Variants in PCSK2 observed in about 807,000 individuals in gnomAD.
PCSK2 encodes neuroendocrine convertase 2.
Under a neutral mutation model 69.7 loss-of-function variants are expected in PCSK2, and 14 were observed. The ratio of observed to expected loss-of-function variants is 0.20; its 90% CI spans 0.13 to 0.31. The LOEUF is 0.31. Ranked by LOEUF, PCSK2 falls within the 10% of genes least tolerant of loss-of-function variation. The pLI is 1.00. For missense variants in PCSK2, 544 were observed against 842.5 expected (o/e 0.65, Z 4.39); for synonymous variants, 307 against 320.7 (o/e 0.96, Z 0.46).
chr20:17,449,732 G>T (rs1434773612), intron 8 of PCSK2, among the ~76,000 whole-genome samples: 5 of 151,578 alleles, frequency 3.3e-5, no homozygotes, highest in Non-Finnish European at 4.4e-5. Flanking sequence ...TCTCCATGTT[G>T]GTCAGGCTGG....
At chr20:17,282,392 C>T (rs1469990630) in intron 2 of PCSK2, among the ~76,000 whole-genome samples, 1 of 152,244 alleles carries the variant, frequency 6.6e-6, no homozygotes, top group South Asian at 2.1e-4. Context: ...GCACTGAGTC[C>T]TCTGTAGCTT....
At chr20:17,298,688 AT>A (rs1275804763) in intron 2 of PCSK2, among the ~76,000 whole-genome samples, 2 of 152,026 alleles carry the variant, frequency 1.3e-5, no homozygotes, top group Non-Finnish European at 2.9e-5. Flanking sequence ...GCTAGAAAAT[AT>A]TTTTAAGTAA....
intron 1 of PCSK2, among the ~76,000 whole-genome samples, chr20:17,248,375 G>C (rs1391104957): frequency 6.6e-6 from 1 of 152,050 alleles, no homozygotes; most frequent in Non-Finnish European, 1.5e-5. Context: ...GGAATGCATC[G>C]ATCAGCCTTA....
At chr20:17,395,369 C>T (rs989804691) in intron 5 of PCSK2, among the ~76,000 whole-genome samples, 1 of 152,190 alleles carries the variant, frequency 6.6e-6, no homozygotes, top group African/African-American at 2.4e-5. Context: ...AATGTTCTCA[C>T]TCAGTGCTGA....
intron 11 of PCSK2, among the ~76,000 whole-genome samples, chr20:17,467,522 G>A (rs6044837): frequency 5.9e-5 from 9 of 152,326 alleles, no homozygotes; most frequent in African/African-American, 2.2e-4. Flanking sequence ...ACGAAAATCT[G>A]CCAGCTCTTT....
chr20:17,251,794 T>C (rs1191941861), intron 1 of PCSK2, among the ~76,000 whole-genome samples: 1 of 152,180 alleles, frequency 6.6e-6, no homozygotes, highest in African/African-American at 2.4e-5. Context: ...AAATGGCTTG[T>C]CTGTGGTCCA....
intron 2 of PCSK2, among the ~76,000 whole-genome samples, chr20:17,322,332 T>C (rs1989894917): frequency 6.6e-6 from 1 of 152,116 alleles, no homozygotes; most frequent in African/African-American, 2.4e-5. Flanking sequence ...GATGAGTAAG[T>C]CATCAATCTT....
chr20:17,289,596 T>C (rs1415126498), intron 2 of PCSK2, among the ~76,000 whole-genome samples: 1 of 152,236 alleles, frequency 6.6e-6, no homozygotes, highest in Non-Finnish European at 1.5e-5. Context: ...TCTGTATCTA[T>C]CAATATATAT....
chr20:17,269,514 T>G (rs1987774971), intron 2 of PCSK2, among the ~76,000 whole-genome samples: 1 of 152,186 alleles, frequency 6.6e-6, no homozygotes, highest in South Asian at 2.1e-4. Flanking sequence ...TTCTTCACTT[T>G]TCCCCTCTCT....
chr20:17,316,823 T>C (rs1471150678), intron 2 of PCSK2, among the ~76,000 whole-genome samples: 1 of 152,160 alleles, frequency 6.6e-6, no homozygotes, highest in South Asian at 2.1e-4. Flanking sequence ...ACCAGGAGAT[T>C]TCCTGTGGCA....
At chr20:17,289,387 G>A (rs1988621078) in intron 2 of PCSK2, among the ~76,000 whole-genome samples, 1 of 152,144 alleles carries the variant, frequency 6.6e-6, no homozygotes, top group Non-Finnish European at 1.5e-5. Context: ...TGTAATAATT[G>A]TGCCACTGTG....
In PCSK2 at chr20:17,398,487, G is replaced by A. The variant is rs116417929; in HGVS notation, c.544-10776G>A. Among the ~76,000 whole-genome samples the A allele has an allele frequency of 6.6e-3, 898 of 135,948 alleles. 10 individuals are homozygous for A. Among genetic ancestry groups the A allele is most frequent in the African/African-American group, 0.023 (832 of 35,706 alleles). 89.2% of individuals were successfully genotyped at this position (135,948 alleles called of 152,430 possible). ...TGCAGTGAGGGATGATTGTGCCACT[G>A]CATTCTAGCCTGGGTTACAGAGTGA... On this transcript the variant is annotated intron_variant, in intron 5 of 11. Coordinates refer to ENST00000262545, the MANE Select transcript of PCSK2 (RefSeq NM_002594.5).
In PCSK2 at chr20:17,462,708, A is replaced by T. The variant is rs191303750; in HGVS notation, c.1203-2618A>T. On this transcript the variant is annotated intron_variant, in intron 10 of 11. Transcript: ENST00000262545. ...CAACAGACATCCATACAATCACTTC[A>T]TTGCGCAGTACCTTCTCATATATCT... Among the ~76,000 whole-genome samples, 19 of 152,312 alleles carry T rather than the reference A, an allele frequency of 1.2e-4. No homozygotes were observed. In the East Asian group the frequency reaches 2.1e-3, roughly 17 times the overall value.
chr20:17,345,247 G>C (rs1324679890), intron 2 of PCSK2, among the ~76,000 whole-genome samples: 3 of 152,106 alleles, frequency 2.0e-5, no homozygotes, highest in African/African-American at 7.2e-5. Flanking sequence ...TGCTGCCCCT[G>C]CTTCCACTCT....
At chr20:17,245,557 T>A (rs1986739181) in intron 1 of PCSK2, among the ~76,000 whole-genome samples, 1 of 152,216 alleles carries the variant, frequency 6.6e-6, no homozygotes, top group South Asian at 2.1e-4. Flanking sequence ...TTGTTTTCTA[T>A]AGCTGCTCCA....
chr20:17,358,883 A>G (rs529568224), intron 3 of PCSK2, among the ~76,000 whole-genome samples: 3 of 152,348 alleles, frequency 2.0e-5, no homozygotes, highest in Admixed American at 2.0e-4. Context: ...CTTGGAGACT[A>G]AAGTAGCAAA....
At chr20:17,239,416 A>G (rs998537525) in intron 1 of PCSK2, among the ~76,000 whole-genome samples, 1 of 145,662 alleles carries the variant, frequency 6.9e-6, no homozygotes, top group Admixed American at 6.9e-5. Context: ...GAAACAAGCC[A>G]TTTGTGATCT....
chr20:17,449,526 G>GTGTATATATATATATGTATGTATGTATA (rs1555796488), intron 8 of PCSK2, among the ~76,000 whole-genome samples: 1 of 130,690 alleles, frequency 7.7e-6, no homozygotes, highest in African/African-American at 3.0e-5. Flanking sequence ...ATGTATGTAT[G>GTGTATATATATATATGTATGTATGTATA]TATATATATA....
Position 17,346,636 on chromosome 20 carries a change from C to T in PCSK2, c.283-11691C>T, listed in dbSNP as rs138062311. 1.2e-3 allele frequency among the ~76,000 whole-genome samples: 185 copies of T among 152,322 alleles called. 1 individual carries two copies. Among genetic ancestry groups the T allele is most frequent in the African/African-American group, 4.3e-3 (180 of 41,568 alleles). ...GAGACACTCATTGAGAGGAACATGT[C>T]ATTTTGGCCAAGAACAGCATTTAGG... On this transcript the variant is annotated intron_variant, in intron 2 of 11. Coordinates refer to ENST00000262545, the MANE Select transcript of PCSK2 (RefSeq NM_002594.5).
Sources: allele counts gnomAD v4.1 joint callset (sites outside exome capture counted in the v4.1 genomes callset), GRCh38; gene constraint gnomAD v4.1.1; transcripts MANE v1.5; gene names NCBI Gene and HGNC (gene_info 2026-07-23, HGNC 2026-07-21).